LARP6: variants seen among roughly 807,000 people sequenced by gnomAD.
The protein encoded by LARP6 is La ribonucleoprotein 6, translational regulator.
In LARP6, 18 loss-of-function variants were observed where a neutral mutation model predicts 32.8. The observed-to-expected ratio is 0.55, with a 90% CI of 0.38 to 0.81. The LOEUF is 0.81. Among genes scored for constraint, LARP6 ranks in the 40% least tolerant of loss-of-function variants. LARP6 has a pLI of 0.00. For synonymous variants in LARP6, 289 were observed against 267.2 expected, an observed-to-expected ratio of 1.08 and a Z score of -0.80; for missense variants, 598 against 663.1, an observed-to-expected ratio of 0.90 and a Z score of 1.08.
chr15:70,830,584 C>G lies in LARP6; in HGVS notation c.*1468G>C, dbSNP rs1019170541. The G allele has an allele frequency of 6.6e-6, 1 of 152,160 alleles. No homozygotes were observed. The highest frequency in any genetic ancestry group is 1.5e-5 in the Non-Finnish European group (1 of 68,030). 9.4% of individuals were successfully genotyped at this position (152,160 alleles called of 1,614,324 possible). A position where few individuals can be genotyped will look rare whatever the true frequency, so the allele number is the denominator to read the frequency against. Reference sequence around the variant, plus strand: ...ACCAATTTAGCTGTTAAGCCTTAGACAAGTTAATTACCCAAGTAAAGTCTG... The same window carrying G: ...ACCAATTTAGCTGTTAAGCCTTAGAGAAGTTAATTACCCAAGTAAAGTCTG... On this transcript the variant is annotated 3_prime_UTR_variant, in exon 3 of 3. Coordinates refer to ENST00000299213, the MANE Select transcript of LARP6 (RefSeq NM_018357.4).
chr15:70,848,745 A>G (rs547402435), intron 1 of LARP6: 22 of 152,238 alleles, frequency 1.4e-4, no homozygotes, highest in African/African-American at 5.1e-4. Context: ...AAAAAAAAGT[A>G]GAGGCTTTCA....
At chr15:70,833,570 A>G (rs9944194) in intron 2 of LARP6, among the ~76,000 whole-genome samples, 9,736 of 152,296 alleles carry the variant, frequency 0.064, 424 homozygotes, top group African/African-American at 0.11. Flanking sequence ...AAACGAATCA[A>G]TATATACATG....
chr15:70,840,266 G>A (rs922509031), intron 1 of LARP6, among the ~76,000 whole-genome samples: 2 of 152,180 alleles, frequency 1.3e-5, no homozygotes, highest in Non-Finnish European at 2.9e-5. Context: ...GAGGCCGGGC[G>A]CGGTGGCTCA....
rs373331235 is a variant in LARP6 at position 70,832,496 on chromosome 15, G to A, written c.1032C>T (p.Ser344=). Residue 344 remains serine, a synonymous_variant, in exon 3 of 3, where the codon AGC becomes AGT. Transcript: ENST00000299213. The part of the protein sequence containing the change: ...SSANSSSDPE[S]NPTSPMAGRR... The stretch of plus-strand genomic sequence containing the variant: ...GGCCCGCCATAGGGGATGTGGGGTT[G>A]CTCTCGGGGTCAGAGGAGCTGTTGG... 5.2e-6 allele frequency: 8 copies of A among 1,543,902 alleles called. No individual in the cohort carries two copies. The African/African-American group carries it at 6.9e-5, about 13-fold the overall frequency.
chr15:70,853,789 C>T (rs2032559212), intron 1 of LARP6, 100 bp downstream of exon 1: 7 of 908,010 alleles, frequency 7.7e-6, no homozygotes, highest in Non-Finnish European at 1.0e-5. Flanking sequence ...GACTCAACCC[C>T]CTCTGCCCGA....
chr15:70,843,144 A>C (rs1203738742), intron 1 of LARP6, among the ~76,000 whole-genome samples: 2 of 152,200 alleles, frequency 1.3e-5, no homozygotes, highest in East Asian at 3.9e-4. Context: ...TATGTACTTA[A>C]GCTCAAGACC....
chr15:70,851,315 G>T, intron 1 of LARP6: 1 of 366,610 alleles, frequency 2.7e-6, no homozygotes, highest in Non-Finnish European at 4.2e-6. Context: ...AATGCTCATA[G>T]TACTATTTTT....
At chr15:70,838,523 C>A (rs991586612) in intron 1 of LARP6, among the ~76,000 whole-genome samples, 1 of 152,108 alleles carries the variant, frequency 6.6e-6, no homozygotes, top group Non-Finnish European at 1.5e-5. Context: ...ACAATCCCAT[C>A]ACGGGGTCTC....
Position 70,854,101 on chromosome 15 carries a change from T to A in LARP6, c.-13A>T. The A allele has an allele frequency of 1.5e-5, 19 of 1,257,450 alleles. No homozygotes were observed. Among genetic ancestry groups the A allele is most frequent in the Non-Finnish European group, 1.7e-5 (17 of 997,828 alleles). The allele number at this position is 1,257,450 out of a possible 1,614,324, so 77.9% of individuals were successfully genotyped here. ...CGGACTGGGCCATGGCTCGCGGGAC[T>A]GCGGCGCCGCCGGGGTCCTCACGCC... On this transcript the variant is annotated 5_prime_UTR_variant, in exon 1 of 3. Transcript: ENST00000299213.
At chr15:70,839,299 G>A (rs2032208093) in intron 1 of LARP6, among the ~76,000 whole-genome samples, 1 of 152,048 alleles carries the variant, frequency 6.6e-6, no homozygotes, top group Non-Finnish European at 1.5e-5. Context: ...AATTAGCCGG[G>A]TGTGGTGGCA....
chr15:70,841,201 C>T (rs377077681), intron 1 of LARP6, among the ~76,000 whole-genome samples: 2 of 152,206 alleles, frequency 1.3e-5, no homozygotes, highest in Admixed American at 1.3e-4. Flanking sequence ...GCGTGAGCCA[C>T]CGCGCCCGGC....
intron 1 of LARP6, among the ~76,000 whole-genome samples, chr15:70,843,398 A>T (rs115663587): frequency 1.2e-3 from 180 of 152,304 alleles, no homozygotes; most frequent in African/African-American, 4.2e-3. Flanking sequence ...ACAATTCCCC[A>T]TTCCACCTTT....
chr15:70,838,781 T>C (rs567736212), intron 1 of LARP6, among the ~76,000 whole-genome samples: 2 of 152,308 alleles, frequency 1.3e-5, no homozygotes, highest in Admixed American at 6.5e-5. Context: ...TAGGTAGTTA[T>C]AAGAGTTGGT....
chr15:70,836,513 CAGA>C lies in LARP6; in HGVS notation c.201-11_201-9del, dbSNP rs771767087. 4.3e-6 allele frequency: 7 copies of C among 1,612,172 alleles called. No individual in the cohort carries two copies. The East Asian group carries it at 1.6e-4, about 36-fold the overall frequency. On this transcript the variant is annotated splice_polypyrimidine_tract_variant and intron_variant, in intron 1 of 2. Coordinates refer to ENST00000299213, the MANE Select transcript of LARP6 (RefSeq NM_018357.4). Reference sequence around the variant, plus strand: ...CCACTTGCAGTGGTGCCACTGAGACCAGAAGGAGACACCGGGTGTTAGGGTCAA... The same window carrying C: ...CCACTTGCAGTGGTGCCACTGAGACCAGGAGACACCGGGTGTTAGGGTCAA...
At chr15:70,849,388 CAA>C in intron 1 of LARP6, 5 of 142,548 alleles carry the variant, frequency 3.5e-5, no homozygotes, top group East Asian at 2.0e-4. Flanking sequence ...AACAAACAAA[CAA>C]AAAAATATAT....
intron 1 of LARP6, among the ~76,000 whole-genome samples, chr15:70,841,146 C>T (rs950231795): frequency 6.6e-6 from 1 of 152,114 alleles, no homozygotes; most frequent in African/African-American, 2.4e-5. Context: ...ATCTCCTGAC[C>T]TCGTGATCCG....
At position 70,833,058 on chromosome 15, in the gene LARP6, A is replaced by T; in HGVS notation, c.470T>A (p.Val157Asp). ...CCGGTGGTCCTCATTCAACTCAAGG[A>T]CCACTGAATACTTCAAAGCATGTGC... ...TTAHALKYSV[V>D]LELNEDHRKV... Residue 157 changes from valine to aspartate, a missense_variant, in exon 3 of 3, where the codon GTC becomes GAC. Transcript: ENST00000299213. The T allele has an allele frequency of 6.2e-7, 1 of 1,614,004 alleles. No homozygotes were observed. The highest frequency in any genetic ancestry group is 8.5e-7 in the Non-Finnish European group (1 of 1,179,990).
intron 1 of LARP6, among the ~76,000 whole-genome samples, chr15:70,844,197 T>A (rs372840073): frequency 2.0e-5 from 3 of 152,188 alleles, no homozygotes; most frequent in African/African-American, 7.2e-5. Context: ...CCTCATGTGA[T>A]CTGCCTGCCT....
intron 1 of LARP6, among the ~76,000 whole-genome samples, chr15:70,839,890 T>C (rs2141052427): frequency 6.6e-6 from 1 of 152,364 alleles, no homozygotes; most frequent in Middle Eastern, 3.4e-3. Flanking sequence ...GCAGCCATTT[T>C]ACTACCATAA....
Sources: allele counts gnomAD v4.1 joint callset (sites outside exome capture counted in the v4.1 genomes callset), GRCh38; gene constraint gnomAD v4.1.1; transcripts MANE v1.5; gene names NCBI Gene and HGNC (gene_info 2026-07-23, HGNC 2026-07-21).